CDYL2: variants seen among roughly 807,000 people sequenced by gnomAD.
CDYL2 encodes chromodomain Y like 2, also known as chromodomain Y-like protein 2.
Under a neutral mutation model 49.4 loss-of-function variants are expected in CDYL2, and 23 were observed. That is an observed-to-expected ratio of 0.47 (90% CI 0.34 to 0.66). The LOEUF is 0.66. Among genes scored for constraint, CDYL2 ranks in the 30% least tolerant of loss-of-function variants. The pLI is 0.01. For synonymous variants in CDYL2, 360 were observed against 268.8 expected (o/e 1.34, Z -3.32); for missense variants, 678 against 656.4 (o/e 1.03, Z -0.36).
At chr16:80,743,712 T>C (rs1905829439) in intron 1 of CDYL2, among the ~76,000 whole-genome samples, 3 of 152,222 alleles carry the variant, frequency 2.0e-5, no homozygotes. Context: ...GCCCCTTTCA[T>C]CTCAGTCCAT....
At chr16:80,697,045 G>T (rs1030725256) in intron 1 of CDYL2, among the ~76,000 whole-genome samples, 7 of 152,098 alleles carry the variant, frequency 4.6e-5, no homozygotes, top group Non-Finnish European at 4.4e-5. Flanking sequence ...ATAAACTGAA[G>T]GGGAGGGAAT....
intron 3 of CDYL2, among the ~76,000 whole-genome samples, chr16:80,629,801 G>C (rs1597134317): frequency 1.3e-5 from 2 of 152,174 alleles, no homozygotes; most frequent in African/African-American, 4.8e-5. Context: ...TCGCCTTCTG[G>C]TTCCTCCATT....
At chr16:80,660,575 G>A (rs1909000521) in intron 2 of CDYL2, among the ~76,000 whole-genome samples, 1 of 152,108 alleles carries the variant, frequency 6.6e-6, no homozygotes, top group African/African-American at 2.4e-5. Context: ...CAGAGAACAA[G>A]AATGGGTAAA....
intron 1 of CDYL2, among the ~76,000 whole-genome samples, chr16:80,745,944 C>A (rs1905913786): frequency 6.6e-6 from 1 of 152,192 alleles, no homozygotes; most frequent in Non-Finnish European, 1.5e-5. Context: ...AACTACACAG[C>A]CCTGTGACTG....
chr16:80,773,664 T>C (rs1217161610), intron 1 of CDYL2, among the ~76,000 whole-genome samples: 4 of 152,140 alleles, frequency 2.6e-5, no homozygotes, highest in Admixed American at 6.5e-5. Context: ...AAAATCTTCA[T>C]GTTTGAAAAT....
At chr16:80,725,671 C>T (rs554770452) in intron 1 of CDYL2, among the ~76,000 whole-genome samples, 28 of 152,304 alleles carry the variant, frequency 1.8e-4, no homozygotes, top group African/African-American at 6.7e-4. Context: ...AAACTCTGTA[C>T]GACTGACCTG....
intron 1 of CDYL2, among the ~76,000 whole-genome samples, chr16:80,713,451 G>A (rs1168315800): frequency 6.6e-6 from 1 of 152,074 alleles, no homozygotes; most frequent in Non-Finnish European, 1.5e-5. Context: ...ATAGGTTACT[G>A]TTCAGGATGT....
chr16:80,706,524 G>C (rs935009665), intron 1 of CDYL2, among the ~76,000 whole-genome samples: 1 of 152,310 alleles, frequency 6.6e-6, no homozygotes, highest in East Asian at 1.9e-4. Context: ...GATCAAATAA[G>C]TTAATGTTTG....
chr16:80,635,390 T>A (rs1018598390), intron 2 of CDYL2, among the ~76,000 whole-genome samples: 1 of 152,132 alleles, frequency 6.6e-6, no homozygotes, highest in Non-Finnish European at 1.5e-5. Context: ...AAAATCAACG[T>A]GCAAAAATCA....
At chr16:80,651,268 T>A (rs907538309) in intron 2 of CDYL2, among the ~76,000 whole-genome samples, 2 of 152,102 alleles carry the variant, frequency 1.3e-5, no homozygotes, top group African/African-American at 2.4e-5. Context: ...AATAATTTTT[T>A]AAAAAAGTTA....
intron 1 of CDYL2, among the ~76,000 whole-genome samples, chr16:80,792,745 C>A (rs1301105346): frequency 6.6e-6 from 1 of 152,128 alleles, no homozygotes; most frequent in African/African-American, 2.4e-5. Flanking sequence ...GGTCGATGTG[C>A]CCATCCCCAC....
chr16:80,764,683 C>T (rs1001854042), intron 1 of CDYL2, among the ~76,000 whole-genome samples: 4 of 151,984 alleles, frequency 2.6e-5, no homozygotes, highest in East Asian at 1.9e-4. Flanking sequence ...TAGTGGTCAT[C>T]GCCATCCGTG....
At chr16:80,618,762 C>G (rs550553667) in intron 4 of CDYL2, among the ~76,000 whole-genome samples, 2 of 152,130 alleles carry the variant, frequency 1.3e-5, no homozygotes, top group Non-Finnish European at 2.9e-5. Flanking sequence ...GTTAACAGAC[C>G]CCATCCAGCA....
chr16:80,623,974 G>C, intron 3 of CDYL2, among the ~76,000 whole-genome samples: 1 of 152,146 alleles, frequency 6.6e-6, no homozygotes, highest in South Asian at 2.1e-4. Context: ...ATCTGAAAGT[G>C]AGCTCCTGCC....
At chr16:80,668,315 G>C (rs1909355985) in intron 2 of CDYL2, among the ~76,000 whole-genome samples, 2 of 152,172 alleles carry the variant, frequency 1.3e-5, no homozygotes, top group African/African-American at 2.4e-5. Flanking sequence ...TTGGCTAACA[G>C]ATAAATAATG....
At chr16:80,804,791 G>T (rs1449927360), upstream of CDYL2, among the ~76,000 whole-genome samples, 5 of 150,644 alleles carry the variant, frequency 3.3e-5, no homozygotes, top group Non-Finnish European at 7.4e-5. Flanking sequence ...CGCCGGGTGC[G>T]CCCGATCTGG....
chr16:80,773,421 A>T (rs1369421999), intron 1 of CDYL2, among the ~76,000 whole-genome samples: 1 of 152,216 alleles, frequency 6.6e-6, no homozygotes, highest in Admixed American at 6.5e-5. Flanking sequence ...TGATAGAACA[A>T]TCAGACCAAA....
At chr16:80,792,847 C>A (rs1203045981) in intron 1 of CDYL2, among the ~76,000 whole-genome samples, 1 of 152,152 alleles carries the variant, frequency 6.6e-6, no homozygotes, top group Non-Finnish European at 1.5e-5. Flanking sequence ...CTACTCCGCC[C>A]AAGTCTATAC....
At chr16:80,663,697 A>C (rs900430774) in intron 2 of CDYL2, among the ~76,000 whole-genome samples, 1 of 151,990 alleles carries the variant, frequency 6.6e-6, no homozygotes, top group African/African-American at 2.4e-5. Context: ...GGTTCAAGTG[A>C]TTCTCCTGCC....
Sources: allele counts gnomAD v4.1 joint callset (sites outside exome capture counted in the v4.1 genomes callset), GRCh38; gene constraint gnomAD v4.1.1; transcripts MANE v1.5; gene names NCBI Gene and HGNC (gene_info 2026-07-23, HGNC 2026-07-21).